Variants in CORO7 observed in about 807,000 individuals in gnomAD.
The protein encoded by CORO7 is coronin 7.
In CORO7, 107 loss-of-function variants were observed where a neutral mutation model predicts 126.6. The observed-to-expected ratio is 0.85, with a 90% confidence interval of 0.72 to 0.99. CORO7 has a LOEUF of 0.99. CORO7 is among the 50% of genes least tolerant of loss of function. The pLI is 0.00. For missense variants in CORO7, 1,314 were observed against 1,255.8 expected, an observed-to-expected ratio of 1.05 and a Z score of -0.70; for synonymous variants, 603 against 536.8, an observed-to-expected ratio of 1.12 and a Z score of -1.70.
chr16:4,406,162 G>T (rs1263071756), intron 5 of CORO7, among the ~76,000 whole-genome samples: 1 of 152,124 alleles, frequency 6.6e-6, no homozygotes. Context: ...ACCATGCCCA[G>T]CTAATTTTTG....
intron 9 of CORO7, among the ~76,000 whole-genome samples, chr16:4,384,169 G>A (rs2055108594): frequency 6.6e-6 from 1 of 152,244 alleles, no homozygotes; most frequent in South Asian, 2.1e-4. Flanking sequence ...AGCAGGACAA[G>A]CTGGGGGACA....
Position 4,357,956 on chromosome 16 carries a change from C to G in CORO7, c.2593+12G>C. The G allele has an allele frequency of 1.3e-6, 2 of 1,591,818 alleles. No homozygotes were observed. The highest frequency in any genetic ancestry group is 1.7e-6 in the Non-Finnish European group (2 of 1,162,614). On this transcript the variant is annotated intron_variant, in intron 25 of 27. Coordinates refer to ENST00000251166, the MANE Select transcript of CORO7 (RefSeq NM_024535.5). ...ATCCCGCTTCCTCCCCACACCCAGTCCCTCGGTGCACCTGGGCTCATGTCA... is the reference window on the plus strand; with the variant it reads ...ATCCCGCTTCCTCCCCACACCCAGTGCCTCGGTGCACCTGGGCTCATGTCA...
At chr16:4,380,758 C>T in intron 9 of CORO7, 5 of 1,225,794 alleles carry the variant, frequency 4.1e-6, no homozygotes, top group Non-Finnish European at 5.5e-6. Context: ...CCATTGGGTT[C>T]TCTTGCATTT....
intron 16 of CORO7, 51 bp downstream of exon 16, chr16:4,361,934 T>C (rs1349253695): frequency 5.1e-6 from 8 of 1,560,816 alleles, no homozygotes; most frequent in East Asian, 2.4e-5. Flanking sequence ...CTCCGCGTCT[T>C]TGCCACAGGC....
chr16:4,393,166 G>A (rs1367800983), intron 7 of CORO7, among the ~76,000 whole-genome samples: 2 of 152,198 alleles, frequency 1.3e-5, no homozygotes, highest in Non-Finnish European at 2.9e-5. Flanking sequence ...GTCGGGGGCA[G>A]AAGCATAGGT....
rs757573410 is a variant in CORO7, at chr16:4,412,326, G to C, written c.232+30C>G. On this transcript the variant is annotated intron_variant, in intron 3 of 27. Transcript: ENST00000251166. ...CTGGAGAGGGAGGTGCAAGTTTCAG[G>C]CTTCACCCACTAGTCAGACACCCAC... The C allele has an allele frequency of 4.3e-6, 7 of 1,612,560 alleles. No individual in the cohort carries two copies. The East Asian group carries it at 6.7e-5, about 15-fold the overall frequency.
At chr16:4,407,359 G>T in intron 5 of CORO7, 142 bp downstream of exon 5, 1 of 960,458 alleles carries the variant, frequency 1.0e-6, no homozygotes, top group Non-Finnish European at 1.5e-6. Context: ...CAGCCTCATA[G>T]AATCTTAAGA....
intron 9 of CORO7, among the ~76,000 whole-genome samples, chr16:4,378,325 C>A (rs1339127064): frequency 1.3e-5 from 2 of 151,776 alleles, no homozygotes; most frequent in Non-Finnish European, 2.9e-5. Flanking sequence ...CCAAGGGGAG[C>A]TGCGGCCACA....
chr16:4,389,494 G>T (rs1365484209), intron 7 of CORO7, among the ~76,000 whole-genome samples: 1 of 152,232 alleles, frequency 6.6e-6, no homozygotes, highest in African/African-American at 2.4e-5. Context: ...ATGAATGAGG[G>T]AGGGAAGCAG....
At chr16:4,408,334 C>A in intron 3 of CORO7, 83 bp from the exon 4 acceptor site, 2 of 1,587,296 alleles carry the variant, frequency 1.3e-6, no homozygotes, top group South Asian at 2.2e-5. Context: ...TCCGAGGTGA[C>A]ACTTTTGTGT....
At chr16:4,412,507 G>T in intron 2 of CORO7, 77 bp from the exon 3 acceptor site, 1 of 1,514,710 alleles carries the variant, frequency 6.6e-7, no homozygotes, top group Non-Finnish European at 9.1e-7. Context: ...TCCCAGAGAT[G>T]AAATCCAGCA....
At chr16:4,394,514 C>A (rs1284666666) in intron 7 of CORO7, among the ~76,000 whole-genome samples, 2 of 152,224 alleles carry the variant, frequency 1.3e-5, no homozygotes, top group Admixed American at 1.3e-4. Context: ...GCCCGTATCC[C>A]CCAGCGCCCC....
chr16:4,368,330 G>A, intron 9 of CORO7, among the ~76,000 whole-genome samples: 1 of 152,132 alleles, frequency 6.6e-6, no homozygotes, highest in East Asian at 1.9e-4. Flanking sequence ...CTGGGTGACA[G>A]AGTGAGACTC....
chr16:4,402,015 C>T (rs1186169164), intron 6 of CORO7, among the ~76,000 whole-genome samples: 1 of 148,474 alleles, frequency 6.7e-6, no homozygotes, highest in African/African-American at 2.5e-5. Context: ...CTCGGCTCAC[C>T]GCAACCTCCA....
At chr16:4,395,652 A>G (rs1334700568) in intron 6 of CORO7, among the ~76,000 whole-genome samples, 1 of 152,162 alleles carries the variant, frequency 6.6e-6, no homozygotes, top group African/African-American at 2.4e-5. Flanking sequence ...CTACTCTTCC[A>G]ACTACCCTAT....
At chr16:4,381,445 G>T in intron 9 of CORO7, 1 of 1,580,542 alleles carries the variant, frequency 6.3e-7, no homozygotes, top group East Asian at 2.3e-5. Flanking sequence ...CGGCATCCTG[G>T]ACACTGCCAA....
At chr16:4,384,499 C>T (rs562519214) in intron 9 of CORO7, among the ~76,000 whole-genome samples, 1 of 152,332 alleles carries the variant, frequency 6.6e-6, no homozygotes, top group African/African-American at 2.4e-5. Context: ...CTCCTGCAGA[C>T]CCCATGCCAC....
chr16:4,412,306 G>T, intron 3 of CORO7, 50 bp downstream of exon 3: 1 of 1,601,328 alleles, frequency 6.2e-7, no homozygotes, highest in South Asian at 1.1e-5. Flanking sequence ...TGGCCCTGGA[G>T]AGGGAGGTGC....
At chr16:4,382,947 T>C (rs1359618322) in intron 9 of CORO7, 1 of 1,448,328 alleles carries the variant, frequency 6.9e-7, no homozygotes, top group Non-Finnish European at 9.1e-7. Flanking sequence ...GCCAGTGAGA[T>C]GGCCAGCCCC....
Sources: allele counts gnomAD v4.1 joint callset (sites outside exome capture counted in the v4.1 genomes callset), GRCh38; gene constraint gnomAD v4.1.1; transcripts MANE v1.5; gene names NCBI Gene and HGNC (gene_info 2026-07-23, HGNC 2026-07-21).